Variants in SEC16A observed in about 807,000 individuals in gnomAD.
SEC16A encodes the protein protein transport protein Sec16A.
SEC16A carries 110 observed loss-of-function variants against 221.9 expected under a neutral mutation model. The observed-to-expected ratio is 0.50, with a 90% CI of 0.42 to 0.58. SEC16A has a LOEUF of 0.58. Among genes scored for constraint, SEC16A ranks in the 20% least tolerant of loss-of-function variants. The pLI is 0.00. For missense variants in SEC16A, 3,165 were observed against 3,097.8 expected, an observed-to-expected ratio of 1.02 and a Z score of -0.52; for synonymous variants, 1,393 against 1,257.7, an observed-to-expected ratio of 1.11 and a Z score of -2.28.
rs748432563 is a variant in SEC16A at position 136,476,374 on chromosome 9, T to C, written c.1242A>G (p.Ala414=). 8.1e-6 allele frequency: 13 copies of C among 1,612,672 alleles called. No homozygotes were observed. The Admixed American group carries it at 2.0e-4, about 25-fold the overall frequency. ...CSSPGLGRPP[A]PTHVGAGSLC... Reference sequence around the variant, plus strand: ...GGCTGCCTGCCCCCACGTGTGTAGGTGCGGGCGGACGGCCTAGCCCAGGGC... The same window carrying C: ...GGCTGCCTGCCCCCACGTGTGTAGGCGCGGGCGGACGGCCTAGCCCAGGGC... The change falls in exon 3 of 32, where the codon GCA becomes GCG. Residue 414 remains alanine, a synonymous_variant. Transcript: ENST00000684901.
At chr9:136,462,691 A>G (rs1839652878) in intron 12 of SEC16A, among the ~76,000 whole-genome samples, 196 bp downstream of exon 12, 1 of 152,226 alleles carries the variant, frequency 6.6e-6, no homozygotes, top group Non-Finnish European at 1.5e-5. Context: ...TTAGAAGGAA[A>G]CCAACATTAA....
At chr9:136,479,514 G>A (rs1301176160) in intron 1 of SEC16A, among the ~76,000 whole-genome samples, 1 of 152,082 alleles carries the variant, frequency 6.6e-6, no homozygotes, top group Non-Finnish European at 1.5e-5. Flanking sequence ...CACCATGCCA[G>A]GCTAATTTTT....
At position 136,474,514 on chromosome 9, in the gene SEC16A, C is replaced by A. The variant is rs764126690; in HGVS notation, c.3102G>T (p.Ala1034=). 1 of 1,612,886 alleles carries A rather than the reference C, an allele frequency of 6.2e-7. No individual in the cohort carries two copies. The highest frequency in any genetic ancestry group is 8.5e-7 in the Non-Finnish European group (1 of 1,179,798). The change falls in exon 3 of 32, where the codon GCG becomes GCT. Residue 1034 remains alanine, a synonymous_variant. Coordinates refer to ENST00000684901, the MANE Select transcript of SEC16A (RefSeq NM_014866.2). The part of the protein sequence containing the change: ...ASHPRQSGPG[A]PNLDRFYQQV... ...GCTGATAAAAACGGTCAAGGTTAGG[C>A]GCCCCAGGCCCAGATTGTCTGGGAT...
intron 4 of SEC16A, 58 bp downstream of exon 4, chr9:136,471,917 C>T (rs1056903916): frequency 1.5e-5 from 24 of 1,586,070 alleles, no homozygotes; most frequent in Non-Finnish European, 1.9e-5. Context: ...CCATAGCAAG[C>T]AACACAGACA....
At chr9:136,451,619 G>A (rs1355302744) in intron 22 of SEC16A, among the ~76,000 whole-genome samples, 2 of 152,204 alleles carry the variant, frequency 1.3e-5, no homozygotes, top group Admixed American at 6.5e-5. Context: ...CTAGAGAAGA[G>A]CCAGCCGCAC....
rs115658264 is a variant in SEC16A, at chr9:136,469,969, G to A, written c.3705-1457C>T. On this transcript the variant is annotated intron_variant, in intron 4 of 31. Transcript: ENST00000684901. ...TCTGACTTGGGGTTTCCAAGGAGCC[G>A]CCGTGTCCTCAGCCGACCTTTCCAA... 1.4e-3 allele frequency among the ~76,000 whole-genome samples: 214 copies of A among 152,308 alleles called. 1 individual carries two copies. Among genetic ancestry groups the A allele is most frequent in the African/African-American group, 4.9e-3 (203 of 41,558 alleles).
intron 23 of SEC16A, among the ~76,000 whole-genome samples, chr9:136,450,408 G>T (rs1017286066): frequency 6.6e-6 from 1 of 151,144 alleles, no homozygotes; most frequent in Admixed American, 6.6e-5. Context: ...TCCCAGCTAC[G>T]AGGCAGGAGG....
chr9:136,477,583 G>T lies in SEC16A; in HGVS notation c.33C>A (p.Gly11=). Residue 11 remains glycine (G), a synonymous_variant, in exon 3 of 32, where the codon GGC becomes GGA. Coordinates refer to ENST00000684901, the MANE Select transcript of SEC16A (RefSeq NM_014866.2). MQPPPQTVPS[G]MAGPPPAGNP... ...TCCCGGCTGGAGGTGGCCCAGCCAT[G>T]CCAGACGGGACCGTCTGGGGCGGTG... 6.2e-7 allele frequency: 1 copy of T among 1,612,130 alleles called. No individual in the cohort carries two copies.
At chr9:136,451,528 C>T in intron 22 of SEC16A, 120 bp from the exon 23 acceptor site, 1 of 1,200,132 alleles carries the variant, frequency 8.3e-7, no homozygotes, top group Non-Finnish European at 1.1e-6. Flanking sequence ...CCGGATGACT[C>T]TGGTGACCAG....
At chr9:136,452,395 A>G (rs946218543) in intron 22 of SEC16A, among the ~76,000 whole-genome samples, 1 of 139,096 alleles carries the variant, frequency 7.2e-6, no homozygotes, top group Non-Finnish European at 1.5e-5. Context: ...GGATGCAGTG[A>G]GCCAAGATCG....
intron 3 of SEC16A, among the ~76,000 whole-genome samples, chr9:136,472,596 G>A (rs1841023422): frequency 6.6e-6 from 1 of 152,212 alleles, no homozygotes; most frequent in Admixed American, 6.5e-5. Flanking sequence ...CAGAGCCCCA[G>A]CCAGGAGCAG....
intron 20 of SEC16A, among the ~76,000 whole-genome samples, chr9:136,455,334 G>A (rs895139382): frequency 1.1e-4 from 17 of 152,178 alleles, no homozygotes; most frequent in African/African-American, 2.7e-4. Context: ...AGCAGGCAGC[G>A]GGCGCTCAGG....
At chr9:136,482,872 C>T in intron 1 of SEC16A, 66 bp downstream of exon 1, 1 of 670,154 alleles carries the variant, frequency 1.5e-6, no homozygotes, top group Non-Finnish European at 1.8e-6. Context: ...CACGGCCTGG[C>T]TCCGCCGGCC....
chr9:136,445,558 C>T (rs762031100), intron 29 of SEC16A, 87 bp downstream of exon 29: 36 of 983,152 alleles, frequency 3.7e-5, no homozygotes, highest in South Asian at 7.2e-5. Flanking sequence ...TACCCAGTAC[C>T]GCCCCTCCAT....
chr9:136,459,566 A>C lies in SEC16A; in HGVS notation c.5192-11T>G, dbSNP rs1839187039. 6.4e-7 allele frequency: 1 copy of C among 1,570,982 alleles called. No homozygotes were observed. Among genetic ancestry groups the C allele is most frequent in the African/African-American group, 1.4e-5 (1 of 73,764 alleles). On this transcript the variant is annotated splice_polypyrimidine_tract_variant and intron_variant, in intron 15 of 31. Coordinates refer to ENST00000684901, the MANE Select transcript of SEC16A (RefSeq NM_014866.2). This position sits in a 1 kb window ranked among gnomAD's most constrained non-coding sequence, Gnocchi z 6.1. Reference sequence around the variant, plus strand: ...AGAGGCCCCTTGAAGCTGCGGAGAGACGACACGACACACGGCGGGGGCTCA... The same window carrying C: ...AGAGGCCCCTTGAAGCTGCGGAGAGCCGACACGACACACGGCGGGGGCTCA...
chr9:136,465,952 G>A lies in SEC16A; in HGVS notation c.4303+10C>T. On this transcript the variant is annotated intron_variant, in intron 8 of 31. Coordinates refer to ENST00000684901, the MANE Select transcript of SEC16A (RefSeq NM_014866.2). ...TTAGCCGGTATCCCTCTGTCCTGCT[G>A]AGCACACACCTTGCTCCATGGCAGG... 2 of 1,612,384 alleles carry A rather than the reference G, an allele frequency of 1.2e-6. No individual in the cohort carries two copies. Among genetic ancestry groups the A allele is most frequent in the South Asian group, 2.2e-5 (2 of 91,024 alleles).
intron 11 of SEC16A, 145 bp from the exon 12 acceptor site, chr9:136,463,277 C>A: frequency 7.7e-7 from 1 of 1,301,586 alleles, no homozygotes; most frequent in Non-Finnish European, 1.1e-6. Context: ...GAAACCTCAT[C>A]CCATCCCAAC....
chr9:136,465,241 A>C (rs140507166), intron 8 of SEC16A, among the ~76,000 whole-genome samples: 1,585 of 152,388 alleles, frequency 0.01, 22 homozygotes, highest in African/African-American at 0.035. Flanking sequence ...ACTTGAGGTC[A>C]GGAGTTTGAG....
At chr9:136,468,274 G>T in intron 5 of SEC16A, 141 bp downstream of exon 5, 1 of 487,816 alleles carries the variant, frequency 2.0e-6, no homozygotes, top group Non-Finnish European at 3.7e-6. Flanking sequence ...TTGGCTTTTG[G>T]GCAAAAACAT....
Sources: gnomAD v4.1 joint callset for allele counts (sites outside exome capture counted in the v4.1 genomes callset) on GRCh38, gnomAD v4.1.1 for gene constraint, Gnocchi (gnomAD v3.1) non-coding constraint, MANE v1.5 for transcripts, NCBI Gene and HGNC (gene_info 2026-07-23, HGNC 2026-07-21) for gene names.